The following CDK14 variants were observed in gnomAD, a reference collection of about 807,000 sequenced individuals.
CDK14 encodes the protein cyclin dependent kinase 14.
A neutral mutation model predicts 60.7 loss-of-function variants in CDK14; 34 were observed. The ratio of observed to expected loss-of-function variants is 0.56; its 90% CI spans 0.43 to 0.75. The LOEUF is 0.75. Ranked by LOEUF, CDK14 falls within the 30% of genes least tolerant of loss-of-function variation. CDK14 has a pLI of 0.00. For synonymous variants in CDK14, 197 were observed against 203.7 expected (o/e 0.97, Z 0.28); for missense variants, 482 against 564.1 (o/e 0.85, Z 1.47).
chr7:91,089,273 C>T (rs1798732402), intron 12 of CDK14, among the ~76,000 whole-genome samples: 1 of 152,142 alleles, frequency 6.6e-6, no homozygotes, highest in Non-Finnish European at 1.5e-5. Flanking sequence ...GAAAAAATGA[C>T]TGTCGACATA....
chr7:90,856,943 G>A (rs1446349343), intron 5 of CDK14, among the ~76,000 whole-genome samples: 3 of 152,146 alleles, frequency 2.0e-5, no homozygotes, highest in Non-Finnish European at 4.4e-5. Context: ...GAACACATAA[G>A]ATGAAAGGAG....
Position 91,091,507 on chromosome 7 carries a change from A to ATATATATATATATATATATATATG in CDK14, c.1154+12037_1154+12038insTATATATATATATGTATATATATA, listed in dbSNP as rs1345059804. Among the ~76,000 whole-genome samples, 84 of 137,438 alleles carry ATATATATATATATATATATATATG rather than the reference A, an allele frequency of 6.1e-4. 4 individuals are homozygous for ATATATATATATATATATATATATG. The highest frequency in any genetic ancestry group is 2.4e-3 in the African/African-American group (82 of 34,470). 90.2% of individuals were successfully genotyped at this position (137,438 alleles called of 152,430 possible). A position where few individuals can be genotyped will look rare whatever the true frequency, so the allele number is the denominator to read the frequency against. Reference sequence around the variant, plus strand: ...TATATGTAGTTTATATATTTTATATATATATATATAAATTAGCCAGGCATG... The same window carrying ATATATATATATATATATATATATG: ...TATATGTAGTTTATATATTTTATATATATATATATATATATATATATATGTATATATATAAATTAGCCAGGCATG... On this transcript the variant is annotated intron_variant, in intron 12 of 14. Coordinates refer to ENST00000380050, the MANE Select transcript of CDK14 (RefSeq NM_001287135.2).
intron 4 of CDK14, among the ~76,000 whole-genome samples, chr7:90,767,101 C>A (rs976048049): frequency 6.6e-6 from 1 of 152,202 alleles, no homozygotes; most frequent in Non-Finnish European, 1.5e-5. Flanking sequence ...CTGACCCATG[C>A]TAAACCAAGC....
chr7:91,023,730 A>C (rs900232827), intron 10 of CDK14, among the ~76,000 whole-genome samples: 9 of 152,268 alleles, frequency 5.9e-5, no homozygotes, highest in African/African-American at 2.2e-4. Context: ...CCCATATTCC[A>C]TAAAAGGAAA....
intron 2 of CDK14, among the ~76,000 whole-genome samples, chr7:90,649,128 G>A (rs1220017243): frequency 1.3e-5 from 2 of 152,152 alleles, no homozygotes; most frequent in Non-Finnish European, 2.9e-5. Context: ...GTTCCTGGCA[G>A]TAGGAGACAC....
chr7:90,948,849 C>T (rs1794173100), intron 8 of CDK14, among the ~76,000 whole-genome samples: 1 of 152,182 alleles, frequency 6.6e-6, no homozygotes, highest in South Asian at 2.1e-4. Flanking sequence ...AGTGCCAGAA[C>T]CTCTACCAGG....
At chr7:90,640,529 A>T (rs1800300456) in intron 2 of CDK14, among the ~76,000 whole-genome samples, 1 of 152,146 alleles carries the variant, frequency 6.6e-6, no homozygotes, top group African/African-American at 2.4e-5. Flanking sequence ...AGGAGGAATG[A>T]AATATGGTTT....
intron 2 of CDK14, among the ~76,000 whole-genome samples, chr7:90,680,217 C>T (rs984223882): frequency 1.3e-5 from 2 of 152,008 alleles, no homozygotes; most frequent in African/African-American, 4.8e-5. Flanking sequence ...GAAATATTAG[C>T]TCAGCTAATG....
intron 11 of CDK14, among the ~76,000 whole-genome samples, chr7:91,072,024 C>G (rs1299452679): frequency 2.6e-5 from 4 of 152,202 alleles, no homozygotes; most frequent in Admixed American, 1.3e-4. Context: ...CTCTCTGGGC[C>G]TGAGCCCCTA....
chr7:91,123,046 C>T (rs1799830780), intron 14 of CDK14, among the ~76,000 whole-genome samples: 1 of 152,176 alleles, frequency 6.6e-6, no homozygotes, highest in Non-Finnish European at 1.5e-5. Flanking sequence ...CTTGCCTGGC[C>T]TGTATACTAC....
chr7:90,901,168 A>G (rs554695598), intron 7 of CDK14, among the ~76,000 whole-genome samples: 18 of 152,188 alleles, frequency 1.2e-4, no homozygotes, highest in Admixed American at 3.9e-4. Flanking sequence ...TCATACTTCA[A>G]ATACTTACTG....
intron 2 of CDK14, among the ~76,000 whole-genome samples, chr7:90,653,943 T>C (rs1800701303): frequency 6.6e-6 from 1 of 152,182 alleles, no homozygotes; most frequent in Admixed American, 6.6e-5. Flanking sequence ...TTGCGATAGT[T>C]TGCTGAGAAT....
intron 10 of CDK14, among the ~76,000 whole-genome samples, chr7:91,000,519 A>T (rs1468340679): frequency 6.6e-6 from 1 of 152,232 alleles, no homozygotes; most frequent in Non-Finnish European, 1.5e-5. Flanking sequence ...TAATAGAAGG[A>T]TATAGCCGAG....
chr7:90,724,816 T>C (rs1036312236), intron 2 of CDK14, among the ~76,000 whole-genome samples: 1 of 152,100 alleles, frequency 6.6e-6, no homozygotes. Context: ...CAGGCCCATG[T>C]ATTTATAATT....
intron 2 of CDK14, among the ~76,000 whole-genome samples, chr7:90,722,564 C>T (rs553478321): frequency 1.6e-4 from 24 of 151,954 alleles, no homozygotes; most frequent in East Asian, 9.7e-4. Flanking sequence ...AAATGGTAAA[C>T]GTGAAATGTT....
At chr7:90,718,337 A>G (rs1368062598) in intron 2 of CDK14, among the ~76,000 whole-genome samples, 1 of 152,156 alleles carries the variant, frequency 6.6e-6, no homozygotes, top group Non-Finnish European at 1.5e-5. Flanking sequence ...ATTCTAAGGG[A>G]AAGTGGAACA....
At chr7:91,026,768 T>C (rs1796581121) in intron 10 of CDK14, among the ~76,000 whole-genome samples, 1 of 152,208 alleles carries the variant, frequency 6.6e-6, no homozygotes, top group Non-Finnish European at 1.5e-5. Context: ...TATTGTTCAT[T>C]ATATCACATT....
chr7:90,667,594 C>T lies in CDK14; in HGVS notation c.124-58973C>T, dbSNP rs1160689982. 7.4e-5 allele frequency among the ~76,000 whole-genome samples: 11 copies of T among 148,684 alleles called. No homozygotes were observed. In the East Asian group the frequency reaches 9.9e-4, roughly 13 times the overall value. Reference sequence around the variant, plus strand: ...TCCGTACTTTTTTTTTTTTTTGAGACGGAGTCTTGCTGTCACCCAGGCTGG... The same window carrying T: ...TCCGTACTTTTTTTTTTTTTTGAGATGGAGTCTTGCTGTCACCCAGGCTGG... On this transcript the variant is annotated intron_variant, in intron 2 of 14. Coordinates refer to ENST00000380050, the MANE Select transcript of CDK14 (RefSeq NM_001287135.2).
chr7:90,851,387 A>G (rs1343503940), intron 5 of CDK14, among the ~76,000 whole-genome samples: 2 of 152,178 alleles, frequency 1.3e-5, no homozygotes, highest in Non-Finnish European at 2.9e-5. Flanking sequence ...TACATGAAAC[A>G]AGATGAAAAC....
Sources: allele counts gnomAD v4.1 joint callset (sites outside exome capture counted in the v4.1 genomes callset), GRCh38; gene constraint gnomAD v4.1.1; transcripts MANE v1.5; gene names NCBI Gene and HGNC (gene_info 2026-07-23, HGNC 2026-07-21).